The following WDR70 variants were observed in gnomAD, a reference collection of about 807,000 sequenced individuals.
WDR70 encodes the protein WD repeat-containing protein 70.
In WDR70, 53 loss-of-function variants were observed where a neutral mutation model predicts 88.6. The observed-to-expected ratio is 0.60, with a 90% confidence interval of 0.48 to 0.75. The LOEUF is 0.75. Ranked by LOEUF, WDR70 falls within the 30% of genes least tolerant of loss-of-function variation. The probability of loss-of-function intolerance (pLI) is 0.00; values close to 1 mark genes in which losing one functional copy is unlikely to be tolerated. For synonymous variants in WDR70, 280 were observed against 270.0 expected (o/e 1.04, Z -0.36); for missense variants, 610 against 823.2 (o/e 0.74, Z 3.17).
intron 8 of WDR70, among the ~76,000 whole-genome samples, chr5:37,486,541 C>T (rs181358117): frequency 0.018 from 2,663 of 152,088 alleles, 75 homozygotes; most frequent in African/African-American, 0.061. Flanking sequence ...CACGGGGTTT[C>T]GCCAGGTTGT....
intron 10 of WDR70, among the ~76,000 whole-genome samples, chr5:37,652,094 C>T (rs1745424260): frequency 6.6e-6 from 1 of 152,226 alleles, no homozygotes. Context: ...AGTCTTTAAT[C>T]CATCTTGGGA....
chr5:37,413,202 AG>A (rs1448289916), intron 5 of WDR70, among the ~76,000 whole-genome samples: 2 of 152,140 alleles, frequency 1.3e-5, no homozygotes, highest in Non-Finnish European at 2.9e-5. Flanking sequence ...AATGGGCACT[AG>A]GGGGCAATAG....
chr5:37,672,839 TCC>T (rs1746070111), intron 10 of WDR70, among the ~76,000 whole-genome samples: 1 of 152,110 alleles, frequency 6.6e-6, no homozygotes, highest in Non-Finnish European at 1.5e-5. Context: ...CAGTCTCTCG[TCC>T]CACCTGATGG....
At chr5:37,571,350 A>C (rs1364733402) in intron 9 of WDR70, among the ~76,000 whole-genome samples, 1 of 152,160 alleles carries the variant, frequency 6.6e-6, no homozygotes. Context: ...GGCCAAGAAT[A>C]GACTAGTCTT....
intron 7 of WDR70, among the ~76,000 whole-genome samples, chr5:37,456,842 TAAAG>T (rs1369416412): frequency 6.6e-6 from 1 of 151,974 alleles, no homozygotes; most frequent in Non-Finnish European, 1.5e-5. Flanking sequence ...TTTCTGTAAA[TAAAG>T]AAAGGGATAT....
chr5:37,527,403 A>G, intron 9 of WDR70, among the ~76,000 whole-genome samples: 1 of 152,348 alleles, frequency 6.6e-6, no homozygotes, highest in East Asian at 1.9e-4. Context: ...TATTTAATAA[A>G]TGATGCTGTG....
At chr5:37,749,352 A>G (rs1292556115) in intron 17 of WDR70, among the ~76,000 whole-genome samples, 1 of 152,180 alleles carries the variant, frequency 6.6e-6, no homozygotes, top group Non-Finnish European at 1.5e-5. Flanking sequence ...ACACAGTAAC[A>G]GAAAACCAAA....
chr5:37,747,353 A>G (rs1031546917), intron 17 of WDR70, among the ~76,000 whole-genome samples: 1 of 152,208 alleles, frequency 6.6e-6, no homozygotes, highest in African/African-American at 2.4e-5. Flanking sequence ...ATGATTATTA[A>G]AAAGTCAGGA....
At chr5:37,389,249 C>T (rs1208434435) in intron 3 of WDR70, among the ~76,000 whole-genome samples, 2 of 149,876 alleles carry the variant, frequency 1.3e-5, no homozygotes, top group Non-Finnish European at 2.9e-5. Context: ...CACACCGCCA[C>T]GCCTGGCTAA....
intron 5 of WDR70, among the ~76,000 whole-genome samples, chr5:37,415,272 G>A (rs907695913): frequency 1.3e-5 from 2 of 151,902 alleles, no homozygotes; most frequent in African/African-American, 2.4e-5. Context: ...TTGTCATCAT[G>A]GCCCGTTCTC....
At chr5:37,693,445 A>G (rs1446753268) in intron 10 of WDR70, among the ~76,000 whole-genome samples, 3 of 152,344 alleles carry the variant, frequency 2.0e-5, no homozygotes, top group Middle Eastern at 3.4e-3. Context: ...GCATCATGCT[A>G]CCTGACTTCA....
intron 5 of WDR70, among the ~76,000 whole-genome samples, chr5:37,400,991 T>C (rs1467245015): frequency 1.3e-5 from 2 of 151,954 alleles, no homozygotes; most frequent in Non-Finnish European, 2.9e-5. Flanking sequence ...GTAAGCTTTG[T>C]AGAGGATTAC....
At chr5:37,470,831 A>G (rs1176781593) in intron 7 of WDR70, among the ~76,000 whole-genome samples, 1 of 151,510 alleles carries the variant, frequency 6.6e-6, no homozygotes, top group Non-Finnish European at 1.5e-5. Flanking sequence ...TTGGGTATAT[A>G]CTTGGTAGTG....
chr5:37,715,403 G>C (rs545886726), intron 13 of WDR70, among the ~76,000 whole-genome samples: 90 of 151,810 alleles, frequency 5.9e-4, no homozygotes, highest in Non-Finnish European at 8.5e-4. Context: ...CCTTGGAACT[G>C]GAGGAATGTG....
intron 5 of WDR70, among the ~76,000 whole-genome samples, chr5:37,421,732 A>G (rs1361152990): frequency 7.9e-5 from 12 of 152,082 alleles, no homozygotes; most frequent in Admixed American, 7.2e-4. Context: ...AGAGAAGGCT[A>G]AGGATTTGAG....
intron 10 of WDR70, among the ~76,000 whole-genome samples, chr5:37,648,221 G>A (rs1039861204): frequency 2.2e-4 from 33 of 152,276 alleles, no homozygotes; most frequent in African/African-American, 7.7e-4. Flanking sequence ...GTATTTTAAT[G>A]TATTTTACTT....
intron 7 of WDR70, among the ~76,000 whole-genome samples, chr5:37,447,218 C>T (rs1738513252): frequency 6.6e-6 from 1 of 152,150 alleles, no homozygotes; most frequent in Non-Finnish European, 1.5e-5. Context: ...TAGAGAAATG[C>T]AAATCAAAAC....
intron 5 of WDR70, among the ~76,000 whole-genome samples, chr5:37,436,059 C>G (rs763296508): frequency 6.6e-6 from 1 of 151,994 alleles, no homozygotes; most frequent in Non-Finnish European, 1.5e-5. Flanking sequence ...CATAGAAATG[C>G]ATAAGAGGGT....
At chr5:37,572,064 A>G (rs1450550593) in intron 9 of WDR70, among the ~76,000 whole-genome samples, 1 of 152,218 alleles carries the variant, frequency 6.6e-6, no homozygotes, top group Non-Finnish European at 1.5e-5. Flanking sequence ...GAAACTGCCC[A>G]TAAATAAATT....
Sources: allele counts gnomAD v4.1 joint callset (sites outside exome capture counted in the v4.1 genomes callset), GRCh38; gene constraint gnomAD v4.1.1; transcripts MANE v1.5; gene names NCBI Gene and HGNC (gene_info 2026-07-23, HGNC 2026-07-21).